Variants in MECOM observed in about 807,000 individuals in gnomAD.
MECOM encodes the protein histone-lysine N-methyltransferase MECOM.
In MECOM, 13 loss-of-function variants were observed where a neutral mutation model predicts 116.3. The ratio of observed to expected loss-of-function variants is 0.11; its 90% CI spans 0.07 to 0.18. The LOEUF (loss-of-function observed/expected upper bound fraction) is 0.18. MECOM is among the 10% of genes least tolerant of loss of function. The pLI, the probability that MECOM is intolerant of heterozygous loss-of-function variation, is 1.00. For synonymous variants in MECOM, 528 were observed against 535.2 expected, an observed-to-expected ratio of 0.99 and a Z score of 0.19; for missense variants, 1,299 against 1,509.0, an observed-to-expected ratio of 0.86 and a Z score of 2.31.
At chr3:169,534,655 T>A (rs1043103445) in intron 1 of MECOM, among the ~76,000 whole-genome samples, 1 of 151,622 alleles carries the variant, frequency 6.6e-6, no homozygotes, top group African/African-American at 2.4e-5. Context: ...ATTTACATAA[T>A]GAGCAAACTC....
intron 2 of MECOM, among the ~76,000 whole-genome samples, chr3:169,182,823 T>C (rs1746150635): frequency 6.6e-6 from 1 of 152,160 alleles, no homozygotes; most frequent in African/African-American, 2.4e-5. Context: ...CTAACTTTCC[T>C]GATTTGCATT....
At chr3:169,142,450 AT>A (rs1303106569) in intron 3 of MECOM, among the ~76,000 whole-genome samples, 1 of 151,986 alleles carries the variant, frequency 6.6e-6, no homozygotes, top group Non-Finnish European at 1.5e-5. Flanking sequence ...TACTCAAAAA[AT>A]ATCTGTTGTT....
At chr3:169,329,546 G>A (rs190863728) in intron 2 of MECOM, among the ~76,000 whole-genome samples, 1 of 152,226 alleles carries the variant, frequency 6.6e-6, no homozygotes, top group Admixed American at 6.5e-5. Context: ...TAATTCTGGA[G>A]AGCTGTTGGA....
intron 2 of MECOM, among the ~76,000 whole-genome samples, chr3:169,235,038 T>A (rs1441138515): frequency 6.6e-6 from 1 of 152,204 alleles, no homozygotes; most frequent in East Asian, 1.9e-4. Context: ...GGGCGTGATA[T>A]GAAAGGCAAA....
At chr3:169,268,306 C>A (rs1390858159) in intron 2 of MECOM, among the ~76,000 whole-genome samples, 1 of 152,160 alleles carries the variant, frequency 6.6e-6, no homozygotes, top group Non-Finnish European at 1.5e-5. Flanking sequence ...TGAAATCCAA[C>A]CACTTTATAT....
At chr3:169,156,661 C>T (rs1742035685) in intron 2 of MECOM, among the ~76,000 whole-genome samples, 1 of 152,118 alleles carries the variant, frequency 6.6e-6, no homozygotes, top group Admixed American at 6.6e-5. Flanking sequence ...GGAATATATA[C>T]AATCTCATTT....
At chr3:169,158,792 T>A (rs1439299174) in intron 2 of MECOM, among the ~76,000 whole-genome samples, 2 of 152,192 alleles carry the variant, frequency 1.3e-5, no homozygotes, top group African/African-American at 4.8e-5. Context: ...TTATGAAAAA[T>A]ATTCCATTGC....
intron 2 of MECOM, among the ~76,000 whole-genome samples, chr3:169,179,317 C>T (rs1314526711): frequency 3.3e-5 from 5 of 152,170 alleles, no homozygotes; most frequent in East Asian, 1.9e-4. Context: ...TACACTTCCA[C>T]TCTCAATGCT....
intron 2 of MECOM, among the ~76,000 whole-genome samples, chr3:169,301,478 T>C (rs1057393805): frequency 6.6e-6 from 1 of 152,188 alleles, no homozygotes; most frequent in African/African-American, 2.4e-5. Flanking sequence ...GAATCAACAA[T>C]AGTGGCATGT....
chr3:169,524,455 G>A (rs1757739359), intron 1 of MECOM, among the ~76,000 whole-genome samples: 2 of 152,162 alleles, frequency 1.3e-5, no homozygotes, highest in Non-Finnish European at 2.9e-5. Context: ...AGAAATACCT[G>A]GTGCAAGCAT....
intron 1 of MECOM, among the ~76,000 whole-genome samples, chr3:169,536,138 G>A (rs535361706): frequency 1.4e-4 from 21 of 152,150 alleles, no homozygotes; most frequent in Admixed American, 7.2e-4. Context: ...GCCTTGTTCT[G>A]TCCTCTTTCT....
At position 169,478,128 on chromosome 3, in the gene MECOM, G is replaced by A. The variant is rs751383904; in HGVS notation, c.38-96604C>T. 5.9e-5 allele frequency among the ~76,000 whole-genome samples: 9 copies of A among 152,180 alleles called. No homozygotes were observed. In the South Asian group the frequency reaches 6.2e-4, roughly 11 times the overall value. On this transcript the variant is annotated intron_variant, in intron 1 of 16. Coordinates refer to ENST00000651503, the MANE Select transcript of MECOM (RefSeq NM_004991.4). Reference sequence around the variant, plus strand: ...GACAAATGGCTCGGAGCCTGACACCGTGGCATCTGACAAAGAGAGACATCC... The same window carrying A: ...GACAAATGGCTCGGAGCCTGACACCATGGCATCTGACAAAGAGAGACATCC...
intron 8 of MECOM, among the ~76,000 whole-genome samples, chr3:169,115,114 T>A (rs1728724240): frequency 6.6e-6 from 1 of 151,892 alleles, no homozygotes; most frequent in African/African-American, 2.4e-5. Flanking sequence ...TATTTTCCAC[T>A]CCAAAAAAAG....
chr3:169,341,825 T>C (rs1303448038), intron 2 of MECOM, among the ~76,000 whole-genome samples: 1 of 152,006 alleles, frequency 6.6e-6, no homozygotes, highest in Non-Finnish European at 1.5e-5. Context: ...TAATTATAGA[T>C]TTTAAAATAA....
chr3:169,097,295 T>G (rs1009587378), intron 12 of MECOM, among the ~76,000 whole-genome samples: 3 of 152,108 alleles, frequency 2.0e-5, no homozygotes, highest in African/African-American at 7.2e-5. Flanking sequence ...TTCTAACCAA[T>G]GATCAGTTGT....
chr3:169,266,587 G>T (rs1469202777), intron 2 of MECOM, among the ~76,000 whole-genome samples: 2 of 152,154 alleles, frequency 1.3e-5, no homozygotes, highest in Non-Finnish European at 2.9e-5. Context: ...AGCCAACACA[G>T]TTCAGAGACA....
At chr3:169,159,317 T>C (rs1742475622) in intron 2 of MECOM, among the ~76,000 whole-genome samples, 2 of 152,176 alleles carry the variant, frequency 1.3e-5, no homozygotes, top group South Asian at 4.1e-4. Context: ...TCCAGGACTC[T>C]GGGACGCCAA....
At chr3:169,417,277 C>A (rs1305746879) in intron 1 of MECOM, among the ~76,000 whole-genome samples, 1 of 148,654 alleles carries the variant, frequency 6.7e-6, no homozygotes, top group African/African-American at 2.5e-5. Context: ...AACAAACAAC[C>A]CCATCAAAAA....
chr3:169,116,077 A>T lies in MECOM; in HGVS notation c.1795T>A (p.Ser599Thr). Residue 599 changes from serine (S) to threonine (T), a missense_variant, in exon 8 of 17, where the codon TCT (serine) becomes ACT (threonine). Coordinates refer to ENST00000651503, the MANE Select transcript of MECOM (RefSeq NM_004991.4). ...CTTTCAATGTCACTTTCCAGATCAG[A>T]GCCCGAGGTTGTTTCCAGGTCACTG... ...SGSDLETTSG[S>T]DLESDIESDK... 6.2e-7 allele frequency: 1 copy of T among 1,614,168 alleles called. No homozygotes were observed. Among genetic ancestry groups the T allele is most frequent in the Non-Finnish European group, 8.5e-7 (1 of 1,180,032 alleles).
Sources: gnomAD v4.1 joint callset for allele counts (sites outside exome capture counted in the v4.1 genomes callset) on GRCh38, gnomAD v4.1.1 for gene constraint, MANE v1.5 for transcripts, NCBI Gene and HGNC (gene_info 2026-07-23, HGNC 2026-07-21) for gene names.